The following RAB2A variants were observed in gnomAD, a reference collection of about 807,000 sequenced individuals.
RAB2A encodes the protein ras-related protein Rab-2A.
RAB2A carries 7 observed loss-of-function variants against 32.5 expected under a neutral mutation model. The observed-to-expected ratio is 0.22, with a 90% CI of 0.12 to 0.40. The LOEUF is 0.40. RAB2A is among the 10% of genes least tolerant of loss of function. The pLI is 1.00. For synonymous variants in RAB2A, 79 were observed against 85.2 expected (o/e 0.93, Z 0.40); for missense variants, 108 against 260.7 (o/e 0.41, Z 4.03).
chr8:60,551,344 G>C (rs1050557094), intron 1 of RAB2A, among the ~76,000 whole-genome samples: 1 of 152,222 alleles, frequency 6.6e-6, no homozygotes, highest in East Asian at 1.9e-4. Flanking sequence ...AAAATGAATG[G>C]ATCATGGTTC....
intron 1 of RAB2A, among the ~76,000 whole-genome samples, chr8:60,556,129 T>C (rs1050758639): frequency 6.6e-6 from 1 of 152,210 alleles, no homozygotes; most frequent in Admixed American, 6.5e-5. Context: ...ATACTGCATG[T>C]TCTCGTATCC....
At chr8:60,605,481 T>C (rs76969492) in intron 6 of RAB2A, among the ~76,000 whole-genome samples, 5 of 152,126 alleles carry the variant, frequency 3.3e-5, no homozygotes, top group African/African-American at 1.2e-4. Flanking sequence ...ACCAACAGTT[T>C]GCACCCATCA....
chr8:60,582,573 G>T (rs1426412994), intron 3 of RAB2A, among the ~76,000 whole-genome samples: 4 of 152,110 alleles, frequency 2.6e-5, no homozygotes, highest in African/African-American at 4.8e-5. Context: ...CAAGACTGAA[G>T]TACAGTGGTG....
intron 1 of RAB2A, among the ~76,000 whole-genome samples, chr8:60,523,478 A>G (rs1168370776): frequency 2.6e-5 from 4 of 151,916 alleles, no homozygotes; most frequent in Non-Finnish European, 5.9e-5. Flanking sequence ...ATTCTTACAT[A>G]TGTCTCTTTC....
intron 6 of RAB2A, among the ~76,000 whole-genome samples, chr8:60,601,954 C>T (rs1804141421): frequency 6.6e-6 from 1 of 152,136 alleles, no homozygotes; most frequent in Admixed American, 6.5e-5. Flanking sequence ...GTGGTTTGAA[C>T]TGTAGCCTCA....
intron 6 of RAB2A, among the ~76,000 whole-genome samples, chr8:60,598,355 C>G (rs1804066865): frequency 1.3e-5 from 2 of 152,084 alleles, no homozygotes; most frequent in Admixed American, 1.3e-4. Context: ...TCTAGACCAT[C>G]TTTTGCAGAA....
intron 7 of RAB2A, among the ~76,000 whole-genome samples, chr8:60,620,256 G>A (rs1804507731): frequency 6.6e-6 from 1 of 152,234 alleles, no homozygotes; most frequent in Non-Finnish European, 1.5e-5. Flanking sequence ...ACACTCATAT[G>A]CCCTTAGCCT....
chr8:60,548,763 G>A (rs1331487486), intron 1 of RAB2A, among the ~76,000 whole-genome samples: 5 of 143,604 alleles, frequency 3.5e-5, no homozygotes, highest in Non-Finnish European at 6.1e-5. Flanking sequence ...CTGGCCGGGC[G>A]GGGGGCTGAT....
At chr8:60,526,020 CATAT>C (rs146162692) in intron 1 of RAB2A, among the ~76,000 whole-genome samples, 2,331 of 92,292 alleles carry the variant, frequency 0.025, 45 homozygotes, top group Middle Eastern at 0.063. Flanking sequence ...TGTGTGTGTA[CATAT>C]ATATATATAT....
At chr8:60,616,130 A>G (rs1201878935) in intron 6 of RAB2A, among the ~76,000 whole-genome samples, 2 of 152,184 alleles carry the variant, frequency 1.3e-5, no homozygotes, top group East Asian at 3.8e-4. Flanking sequence ...TACATCCTTA[A>G]TTCATCTGGT....
chr8:60,524,958 G>C (rs1236848620), intron 1 of RAB2A, among the ~76,000 whole-genome samples: 1 of 152,172 alleles, frequency 6.6e-6, no homozygotes, highest in Admixed American at 6.5e-5. Flanking sequence ...CTGTATAGCA[G>C]ATTCTCATGA....
At chr8:60,593,215 C>CA (rs1803970157) in intron 6 of RAB2A, among the ~76,000 whole-genome samples, 1 of 152,166 alleles carries the variant, frequency 6.6e-6, no homozygotes, top group African/African-American at 2.4e-5. Context: ...ATTTCATCGT[C>CA]ACGTGACCAT....
Position 60,583,196 on chromosome 8 carries a change from A to G in RAB2A, c.187-1012A>G, listed in dbSNP as rs147807878. 1.2e-3 allele frequency among the ~76,000 whole-genome samples: 189 copies of G among 152,338 alleles called. 1 individual carries two copies. Among genetic ancestry groups the G allele is most frequent in the Non-Finnish European group, 2.0e-3 (134 of 68,028 alleles). On this transcript the variant is annotated intron_variant, in intron 3 of 7. Coordinates refer to ENST00000262646, the MANE Select transcript of RAB2A (RefSeq NM_002865.3). The stretch of plus-strand genomic sequence containing the variant: ...TTACATTGCAAGATCAGAACTCAGA[A>G]TGTGTAAACATCAATATTTTTCAAG...
At chr8:60,602,093 G>A (rs1048731275) in intron 6 of RAB2A, among the ~76,000 whole-genome samples, 12 of 151,912 alleles carry the variant, frequency 7.9e-5, no homozygotes, top group African/African-American at 2.7e-4. Flanking sequence ...GCCCAGGCTG[G>A]TCTCAGACTC....
At chr8:60,546,891 C>CTTTTTTTTT (rs6150606) in intron 1 of RAB2A, among the ~76,000 whole-genome samples, 7 of 98,950 alleles carry the variant, frequency 7.1e-5, no homozygotes, top group Admixed American at 2.0e-4. Flanking sequence ...TTTTTTGGGT[C>CTTTTTTTTT]TTTTTTTTTT....
chr8:60,621,021 T>A lies in RAB2A; in HGVS notation c.*252T>A. 5 of 410,484 alleles carry A rather than the reference T, an allele frequency of 1.2e-5. No individual in the cohort carries two copies. Among genetic ancestry groups the A allele is most frequent in the South Asian group, 7.2e-5 (2 of 27,796 alleles). The allele number at this position is 410,484 out of a possible 1,614,324, so 25.4% of individuals were successfully genotyped here. On this transcript the variant is annotated 3_prime_UTR_variant, in exon 8 of 8. Transcript: ENST00000262646. ...TGATGTGATTATTTTTGTTAAATGT[T>A]GTCTTGTGCCCTTAACTACGAACTG...
chr8:60,604,007 G>A (rs989238503), intron 6 of RAB2A, among the ~76,000 whole-genome samples: 1 of 152,214 alleles, frequency 6.6e-6, no homozygotes, highest in Non-Finnish European at 1.5e-5. Flanking sequence ...CATTGTTGGA[G>A]GTGGGGCCTG....
intron 1 of RAB2A, among the ~76,000 whole-genome samples, chr8:60,539,533 T>C (rs1471573302): frequency 6.6e-6 from 1 of 152,238 alleles, no homozygotes; most frequent in East Asian, 1.9e-4. Context: ...TTGTTATCTC[T>C]TAAACTGGTC....
At chr8:60,522,510 C>T (rs1288504488) in intron 1 of RAB2A, among the ~76,000 whole-genome samples, 2 of 152,018 alleles carry the variant, frequency 1.3e-5, no homozygotes, top group Admixed American at 6.5e-5. Context: ...TAGGGTCCTC[C>T]TACTTTCTTT....
Sources: gnomAD v4.1 joint callset for allele counts (sites outside exome capture counted in the v4.1 genomes callset) on GRCh38, gnomAD v4.1.1 for gene constraint, MANE v1.5 for transcripts, NCBI Gene and HGNC (gene_info 2026-07-23, HGNC 2026-07-21) for gene names.